Variants in PRDM5 observed in about 807,000 individuals in gnomAD.
PRDM5 encodes PR domain zinc finger protein 5.
Under a neutral mutation model 81.2 loss-of-function variants are expected in PRDM5, and 56 were observed. The observed-to-expected ratio is 0.69, with a 90% CI of 0.56 to 0.86. PRDM5 has a LOEUF of 0.86. PRDM5 is among the 40% of genes least tolerant of loss of function. The pLI, the probability that PRDM5 is intolerant of heterozygous loss-of-function variation, is 0.00. For synonymous variants in PRDM5, 267 were observed against 256.4 expected, an observed-to-expected ratio of 1.04 and a Z score of -0.39; for missense variants, 697 against 770.1, an observed-to-expected ratio of 0.91 and a Z score of 1.12.
chr4:120,701,690 T>C (rs2149001140), intron 15 of PRDM5, among the ~76,000 whole-genome samples: 1 of 152,074 alleles, frequency 6.6e-6, no homozygotes, highest in South Asian at 2.1e-4. Flanking sequence ...GGGGAGGAGA[T>C]AAGGGTTGAA....
chr4:120,754,533 G>T lies in PRDM5; in HGVS notation c.1623+20C>A. The T allele has an allele frequency of 6.7e-7, 1 of 1,493,648 alleles. No homozygotes were observed. Among genetic ancestry groups the T allele is most frequent in the South Asian group, 1.1e-5 (1 of 88,356 alleles). 92.5% of individuals were successfully genotyped at this position (1,493,648 alleles called of 1,614,324 possible). A position where few individuals can be genotyped will look rare whatever the true frequency, so the allele number is the denominator to read the frequency against. On this transcript the variant is annotated intron_variant, in intron 14 of 15. Coordinates refer to ENST00000264808, the MANE Select transcript of PRDM5 (RefSeq NM_018699.4). Reference sequence around the variant, plus strand: ...TATGGTTTTCATGATCAATATTAATGAAACAGAATATAATCTTACCCTGGT... The same window carrying T: ...TATGGTTTTCATGATCAATATTAATTAAACAGAATATAATCTTACCCTGGT...
intron 14 of PRDM5, among the ~76,000 whole-genome samples, chr4:120,724,766 A>G (rs1397170422): frequency 1.3e-5 from 2 of 152,252 alleles, no homozygotes; most frequent in African/African-American, 4.8e-5. Context: ...ATAAGAACAC[A>G]GCAGAAAGGT....
chr4:120,811,467 T>C lies in PRDM5; in HGVS notation c.866-18A>G. 6.8e-7 allele frequency: 1 copy of C among 1,467,468 alleles called. No homozygotes were observed. The highest frequency in any genetic ancestry group is 1.7e-4 in the Middle Eastern group (1 of 5,722). 90.9% of individuals were successfully genotyped at this position (1,467,468 alleles called of 1,614,324 possible). The stretch of plus-strand genomic sequence containing the variant: ...AGGATCTCCTAAAATAGAAATAAAA[T>C]ACCATGATGATTTAAATGAGACTAT... On this transcript the variant is annotated intron_variant, in intron 7 of 15. Coordinates refer to ENST00000264808, the MANE Select transcript of PRDM5 (RefSeq NM_018699.4).
At chr4:120,919,512 T>C (rs1029752076) in intron 1 of PRDM5, among the ~76,000 whole-genome samples, 1 of 152,208 alleles carries the variant, frequency 6.6e-6, no homozygotes, top group African/African-American at 2.4e-5. Flanking sequence ...CTTTCCACTT[T>C]GCAGTTTCAG....
chr4:120,771,820 A>T (rs1747340188), intron 13 of PRDM5, among the ~76,000 whole-genome samples: 1 of 152,220 alleles, frequency 6.6e-6, no homozygotes, highest in Admixed American at 6.5e-5. Context: ...GTATATTAAT[A>T]AACACAATTC....
intron 14 of PRDM5, among the ~76,000 whole-genome samples, chr4:120,751,928 T>C (rs1033975328): frequency 4.6e-5 from 7 of 152,218 alleles, no homozygotes; most frequent in Admixed American, 2.0e-4. Context: ...TTTCTGTTGT[T>C]GTTAAAATGG....
At chr4:120,879,367 A>G (rs1225742665) in intron 2 of PRDM5, among the ~76,000 whole-genome samples, 1 of 152,114 alleles carries the variant, frequency 6.6e-6, no homozygotes, top group Non-Finnish European at 1.5e-5. Flanking sequence ...AGGTCCACTT[A>G]TAGGTGGATT....
intron 13 of PRDM5, among the ~76,000 whole-genome samples, chr4:120,770,200 T>C (rs965239602): frequency 6.6e-6 from 1 of 152,098 alleles, no homozygotes; most frequent in Non-Finnish European, 1.5e-5. Context: ...GGCTAATTTT[T>C]GTATTTTTAG....
At chr4:120,864,578 C>T (rs186469654) in intron 2 of PRDM5, among the ~76,000 whole-genome samples, 30 of 152,294 alleles carry the variant, frequency 2.0e-4, no homozygotes, top group Middle Eastern at 3.4e-3. Context: ...ATTCCCAACT[C>T]TACATCTCCT....
chr4:120,856,678 A>G (rs1759916003), intron 2 of PRDM5, among the ~76,000 whole-genome samples: 1 of 152,212 alleles, frequency 6.6e-6, no homozygotes, highest in Admixed American at 6.5e-5. Context: ...ACAACTCCAG[A>G]CAGCTGGCTA....
intron 14 of PRDM5, among the ~76,000 whole-genome samples, chr4:120,725,848 G>A (rs886620932): frequency 5.3e-5 from 8 of 152,002 alleles, no homozygotes; most frequent in Admixed American, 3.3e-4. Flanking sequence ...ACAGGGCAAC[G>A]TACTAGATAA....
At chr4:120,728,056 T>G (rs1179373001) in intron 14 of PRDM5, among the ~76,000 whole-genome samples, 1 of 152,182 alleles carries the variant, frequency 6.6e-6, no homozygotes, top group East Asian at 1.9e-4. Context: ...CACTCACAGC[T>G]TAGCCTGGCC....
chr4:120,788,165 C>CT (rs35932923), intron 10 of PRDM5, among the ~76,000 whole-genome samples: 8 of 151,998 alleles, frequency 5.3e-5, no homozygotes, highest in South Asian at 2.1e-4. Context: ...GCAAAAACTA[C>CT]TTTTTTTTAA....
intron 2 of PRDM5, among the ~76,000 whole-genome samples, chr4:120,861,248 T>G (rs935327007): frequency 6.6e-6 from 1 of 152,166 alleles, no homozygotes; most frequent in Non-Finnish European, 1.5e-5. Flanking sequence ...CCTCAAGTGA[T>G]TTGCCGGCCT....
At chr4:120,803,591 T>C (rs1752449030) in intron 8 of PRDM5, among the ~76,000 whole-genome samples, 2 of 152,114 alleles carry the variant, frequency 1.3e-5, no homozygotes, top group African/African-American at 4.8e-5. Context: ...CAGCATTTCA[T>C]ATCCAGCCAA....
chr4:120,885,498 C>T (rs1261384448), intron 2 of PRDM5: 1 of 151,922 alleles, frequency 6.6e-6, no homozygotes, highest in Non-Finnish European at 1.5e-5. Flanking sequence ...GATAAAATTC[C>T]TCTAGTTCTA....
intron 14 of PRDM5, among the ~76,000 whole-genome samples, chr4:120,751,942 T>A (rs1578594149): frequency 6.6e-6 from 1 of 152,198 alleles, no homozygotes; most frequent in Non-Finnish European, 1.5e-5. Flanking sequence ...AAAATGGAAT[T>A]AAAAACTTTT....
intron 2 of PRDM5, among the ~76,000 whole-genome samples, chr4:120,899,530 C>T (rs963316803): frequency 1.3e-5 from 2 of 152,150 alleles, no homozygotes; most frequent in Non-Finnish European, 2.9e-5. Context: ...AAAATTATTG[C>T]ATGCTGTAGG....
intron 1 of PRDM5, among the ~76,000 whole-genome samples, chr4:120,910,250 T>C (rs953978812): frequency 6.6e-6 from 1 of 152,222 alleles, no homozygotes; most frequent in Non-Finnish European, 1.5e-5. Flanking sequence ...GTTCATCAAA[T>C]AAACTTGAAT....
Sources: gnomAD v4.1 joint callset for allele counts (sites outside exome capture counted in the v4.1 genomes callset) on GRCh38, gnomAD v4.1.1 for gene constraint, MANE v1.5 for transcripts, NCBI Gene and HGNC (gene_info 2026-07-23, HGNC 2026-07-21) for gene names.